DCLK1: variants seen among roughly 807,000 people sequenced by gnomAD.
DCLK1 encodes the protein serine/threonine-protein kinase DCLK1.
A neutral mutation model predicts 86.2 loss-of-function variants in DCLK1; 16 were observed. The observed-to-expected ratio is 0.19, with a 90% CI of 0.13 to 0.28. The LOEUF is 0.28. Ranked by LOEUF, DCLK1 falls within the 10% of genes least tolerant of loss-of-function variation. The probability of loss-of-function intolerance (pLI) is 1.00; values close to 1 mark genes in which losing one functional copy is unlikely to be tolerated. For synonymous variants in DCLK1, 369 were observed against 370.5 expected, an observed-to-expected ratio of 1.00 and a Z score of 0.05; for missense variants, 590 against 940.2, an observed-to-expected ratio of 0.63 and a Z score of 4.87.
intron 4 of DCLK1, among the ~76,000 whole-genome samples, chr13:35,881,112 C>T (rs1872871631): frequency 6.6e-6 from 1 of 152,210 alleles, no homozygotes; most frequent in Non-Finnish European, 1.5e-5. Context: ...GAAAAACCCC[C>T]TTTCTATGAC....
In DCLK1 at chr13:35,813,945, T is replaced by G. The variant is rs182091821; in HGVS notation, c.1555-2977A>C. On this transcript the variant is annotated intron_variant, in intron 11 of 16. Coordinates refer to ENST00000360631, the MANE Select transcript of DCLK1 (RefSeq NM_001330071.2). ...AATGTCCAGTCCTCTAGTTTGGAATTCTGTTTAACTCACTGTCAGGCAGGG... is the reference window on the plus strand; with the variant it reads ...AATGTCCAGTCCTCTAGTTTGGAATGCTGTTTAACTCACTGTCAGGCAGGG... Among the ~76,000 whole-genome samples the G allele has an allele frequency of 2.5e-3, 384 of 152,262 alleles. 3 individuals carry two copies. The highest frequency in any genetic ancestry group is 4.8e-3 in the Non-Finnish European group (329 of 68,020).
intron 3 of DCLK1, among the ~76,000 whole-genome samples, chr13:36,025,954 G>C (rs2153151940): frequency 6.6e-6 from 1 of 152,228 alleles, no homozygotes; most frequent in Non-Finnish European, 1.5e-5. Context: ...CTTGATCTAG[G>C]ATGGTCATGG....
chr13:35,971,587 A>C (rs1879061560), intron 3 of DCLK1, among the ~76,000 whole-genome samples: 1 of 152,120 alleles, frequency 6.6e-6, no homozygotes, highest in East Asian at 1.9e-4. Context: ...ACATGGTGAA[A>C]ACCTGTCTCT....
intron 5 of DCLK1, among the ~76,000 whole-genome samples, chr13:35,861,239 G>C (rs1219283830): frequency 6.6e-6 from 1 of 151,806 alleles, no homozygotes; most frequent in African/African-American, 2.4e-5. Context: ...TGGGGTACAA[G>C]AAAAAAAATT....
At chr13:35,809,848 A>G (rs1477495603) in intron 12 of DCLK1, among the ~76,000 whole-genome samples, 1 of 152,174 alleles carries the variant, frequency 6.6e-6, no homozygotes, top group Non-Finnish European at 1.5e-5. Context: ...CTTCTCATCT[A>G]TTTGGTTTTT....
chr13:36,026,547 C>A (rs1367284682), intron 3 of DCLK1, among the ~76,000 whole-genome samples: 1 of 152,184 alleles, frequency 6.6e-6, no homozygotes, highest in African/African-American at 2.4e-5. Flanking sequence ...CATTTACTTT[C>A]TACCACTTAA....
intron 11 of DCLK1, among the ~76,000 whole-genome samples, chr13:35,814,616 A>G (rs2087228139): frequency 6.6e-6 from 1 of 152,216 alleles, no homozygotes; most frequent in African/African-American, 2.4e-5. Context: ...AAGTGGGAGT[A>G]CATTAATTGT....
intron 3 of DCLK1, among the ~76,000 whole-genome samples, chr13:36,024,043 C>T (rs1881921685): frequency 6.6e-6 from 1 of 151,664 alleles, no homozygotes; most frequent in Non-Finnish European, 1.5e-5. Context: ...TTACAGGCAC[C>T]CACTATCACG....
chr13:35,822,668 A>G, intron 11 of DCLK1, 61 bp downstream of exon 11: 1,436 of 1,179,538 alleles, frequency 1.2e-3, no homozygotes, highest in Non-Finnish European at 1.6e-3. Context: ...AAAAAGAAAT[A>G]TTCATATTCC....
intron 3 of DCLK1, among the ~76,000 whole-genome samples, chr13:36,068,575 T>A (rs934744989): frequency 6.8e-6 from 1 of 146,302 alleles, no homozygotes; most frequent in Non-Finnish European, 1.5e-5. Context: ...TTTTTTTTTT[T>A]AACAAATTCT....
chr13:35,817,539 C>T lies in DCLK1; in HGVS notation c.1554+5190G>A, dbSNP rs2087298100. ...TAAATCTCTTGCCCACTAATATCTT[C>T]TCTTTAATTTTAGTTCCATGCTGTC... On this transcript the variant is annotated intron_variant, in intron 11 of 16. Transcript: ENST00000360631. Among the ~76,000 whole-genome samples the T allele has an allele frequency of 2.0e-5, 3 of 152,152 alleles. No individual in the cohort carries two copies. In the South Asian group the frequency reaches 6.2e-4, roughly 32 times the overall value.
intron 10 of DCLK1, 138 bp from the exon 11 acceptor site, chr13:35,823,013 T>C (rs1413633395): frequency 9.5e-7 from 1 of 1,057,950 alleles, no homozygotes; most frequent in African/African-American, 1.6e-5. Context: ...TTCCTGCTAC[T>C]TTCCTTTCAA....
At chr13:35,852,483 C>T (rs1295655276) in intron 6 of DCLK1, among the ~76,000 whole-genome samples, 4 of 152,206 alleles carry the variant, frequency 2.6e-5, no homozygotes, top group African/African-American at 4.8e-5. Flanking sequence ...TAAATGTTTT[C>T]AGATGGTATA....
intron 3 of DCLK1, among the ~76,000 whole-genome samples, chr13:35,991,112 C>A (rs1880199105): frequency 6.6e-6 from 1 of 152,148 alleles, no homozygotes; most frequent in Non-Finnish European, 1.5e-5. Flanking sequence ...CTCCCCTTCT[C>A]CCATGAAGCA....
intron 8 of DCLK1, 143 bp from the exon 9 acceptor site, chr13:35,828,450 A>T (rs1334009712): frequency 7.3e-6 from 5 of 684,410 alleles, no homozygotes; most frequent in Admixed American, 5.9e-5. Flanking sequence ...CCTTTTTTAA[A>T]AAAAAACAAA....
chr13:35,871,413 A>T, intron 4 of DCLK1, 73 bp from the exon 5 acceptor site: 1 of 1,222,336 alleles, frequency 8.2e-7, no homozygotes, highest in Non-Finnish European at 1.2e-6. Context: ...ATGCACAATA[A>T]ACCTGGAAGT....
At chr13:35,867,869 AAGAG>A (rs199665326) in intron 5 of DCLK1, among the ~76,000 whole-genome samples, 31 of 126,838 alleles carry the variant, frequency 2.4e-4, no homozygotes, top group African/African-American at 7.5e-4. Flanking sequence ...GAAAGAAAGA[AAGAG>A]AGAGGGAGAG....
chr13:35,816,523 G>A (rs1343568169), intron 11 of DCLK1, among the ~76,000 whole-genome samples: 1 of 152,136 alleles, frequency 6.6e-6, no homozygotes, highest in Non-Finnish European at 1.5e-5. Flanking sequence ...CAGGCATTGT[G>A]ATGAAGACTT....
intron 15 of DCLK1, among the ~76,000 whole-genome samples, chr13:35,804,442 T>C (rs1374398297): frequency 6.9e-6 from 1 of 145,014 alleles, no homozygotes. Flanking sequence ...CCTACTATTA[T>C]TATTTTTTGA....
Sources: allele counts gnomAD v4.1 joint callset (sites outside exome capture counted in the v4.1 genomes callset), GRCh38; gene constraint gnomAD v4.1.1; transcripts MANE v1.5; gene names NCBI Gene and HGNC (gene_info 2026-07-23, HGNC 2026-07-21).